CA10: variants seen among roughly 807,000 people sequenced by gnomAD.
The protein encoded by CA10 is carbonic anhydrase 10 (inactive), also known as carbonic anhydrase-related protein 10.
CA10 carries 14 observed loss-of-function variants against 44.2 expected under a neutral mutation model. The ratio of observed to expected loss-of-function variants is 0.32; its 90% CI spans 0.21 to 0.50. The LOEUF is 0.50. Ranked by LOEUF, CA10 falls within the 20% of genes least tolerant of loss-of-function variation. The pLI is 0.99. For synonymous variants in CA10, 159 were observed against 141.6 expected, an observed-to-expected ratio of 1.12 and a Z score of -0.87; for missense variants, 350 against 409.7, an observed-to-expected ratio of 0.85 and a Z score of 1.26.
chr17:51,938,948 G>GA (rs1420237697), intron 2 of CA10, among the ~76,000 whole-genome samples: 1 of 151,686 alleles, frequency 6.6e-6, no homozygotes, highest in African/African-American at 2.4e-5. Context: ...AACAAACAAA[G>GA]AAAAAAACCA....
rs1320932810 is a variant in CA10, at chr17:51,999,650, C to A, written c.137-68518G>T. On this transcript the variant is annotated intron_variant, in intron 2 of 8. Transcript: ENST00000451037. ...TGAAGAAGGATGCCAGCTCTTCCTG[C>A]AGATCATTCCATCATCAAAGTTGAA... 4.9e-4 allele frequency among the ~76,000 whole-genome samples: 74 copies of A among 152,046 alleles called. 1 individual carries two copies.
chr17:51,650,066 T>C (rs1913505972), intron 5 of CA10, among the ~76,000 whole-genome samples: 1 of 152,140 alleles, frequency 6.6e-6, no homozygotes, highest in Admixed American at 6.5e-5. Context: ...TTGTACCAGA[T>C]GTTCAGGGAT....
intron 3 of CA10, among the ~76,000 whole-genome samples, chr17:51,923,545 C>A (rs982711224): frequency 7.9e-5 from 12 of 152,074 alleles, no homozygotes; most frequent in Non-Finnish European, 1.3e-4. Context: ...CCAAATATAT[C>A]GTAAATTTTT....
chr17:52,004,284 C>A (rs972817287), intron 2 of CA10, among the ~76,000 whole-genome samples: 1 of 151,956 alleles, frequency 6.6e-6, no homozygotes, highest in African/African-American at 2.4e-5. Flanking sequence ...TTTATATACA[C>A]ACATGCATAT....
intron 3 of CA10, among the ~76,000 whole-genome samples, chr17:51,797,339 C>G (rs1433627162): frequency 6.6e-6 from 1 of 152,230 alleles, no homozygotes; most frequent in Non-Finnish European, 1.5e-5. Context: ...AGCACGCAGG[C>G]GCATGCGCGC....
At chr17:51,784,275 C>T (rs747862828) in intron 3 of CA10, among the ~76,000 whole-genome samples, 4 of 152,212 alleles carry the variant, frequency 2.6e-5, no homozygotes, top group East Asian at 1.9e-4. Context: ...GGAAGGAGCA[C>T]GCCATCCAGC....
At chr17:51,736,400 G>C (rs1167506060) in intron 4 of CA10, among the ~76,000 whole-genome samples, 3 of 151,512 alleles carry the variant, frequency 2.0e-5, no homozygotes, top group Admixed American at 6.6e-5. Flanking sequence ...ATGACCATTT[G>C]AGTCCACACA....
At chr17:51,809,302 A>G (rs1358270016) in intron 3 of CA10, among the ~76,000 whole-genome samples, 1 of 152,222 alleles carries the variant, frequency 6.6e-6, no homozygotes, top group East Asian at 1.9e-4. Flanking sequence ...ATTATGTGTC[A>G]GGCACTGTGT....
intron 3 of CA10, among the ~76,000 whole-genome samples, chr17:51,800,053 G>A (rs901110595): frequency 6.6e-6 from 1 of 152,152 alleles, no homozygotes; most frequent in African/African-American, 2.4e-5. Flanking sequence ...CCACACAAAT[G>A]TTCATAACAT....
chr17:51,783,268 G>A (rs1906130214), intron 3 of CA10, among the ~76,000 whole-genome samples: 1 of 152,150 alleles, frequency 6.6e-6, no homozygotes, highest in South Asian at 2.1e-4. Context: ...AAGTATGAAA[G>A]CTCATGTTGC....
intron 4 of CA10, among the ~76,000 whole-genome samples, chr17:51,711,673 T>A (rs1915946974): frequency 1.3e-5 from 2 of 152,240 alleles, no homozygotes; most frequent in Admixed American, 1.3e-4. Flanking sequence ...AACAAATATC[T>A]AAGCAAAGCT....
At chr17:51,648,136 C>T (rs530852194) in intron 6 of CA10, among the ~76,000 whole-genome samples, 1 of 152,320 alleles carries the variant, frequency 6.6e-6, no homozygotes, top group East Asian at 1.9e-4. Flanking sequence ...ATTCTCCATA[C>T]TCTCCCTTGG....
chr17:51,689,681 A>G (rs778467487), intron 4 of CA10, among the ~76,000 whole-genome samples: 46 of 152,174 alleles, frequency 3.0e-4, no homozygotes, highest in Non-Finnish European at 5.6e-4. Flanking sequence ...ATCCTTTACA[A>G]TTTGAGCTGT....
intron 2 of CA10, among the ~76,000 whole-genome samples, chr17:51,936,551 A>G (rs1982874215): frequency 6.6e-6 from 1 of 152,154 alleles, no homozygotes; most frequent in Non-Finnish European, 1.5e-5. Flanking sequence ...GTGTTCAGGA[A>G]CAGAGAGGAA....
chr17:51,987,171 A>C (rs754783548), intron 2 of CA10, among the ~76,000 whole-genome samples: 1 of 152,002 alleles, frequency 6.6e-6, no homozygotes, highest in Non-Finnish European at 1.5e-5. Flanking sequence ...ATGGAATACT[A>C]CTTATGATGG....
At chr17:52,106,652 A>C (rs532981905) in intron 1 of CA10, among the ~76,000 whole-genome samples, 2 of 152,164 alleles carry the variant, frequency 1.3e-5, no homozygotes, top group East Asian at 3.8e-4. Context: ...CTATGCTACA[A>C]CTCTGTAATA....
chr17:52,112,682 T>A (rs1439630381), intron 1 of CA10, among the ~76,000 whole-genome samples: 2 of 152,178 alleles, frequency 1.3e-5, no homozygotes, highest in Non-Finnish European at 2.9e-5. Context: ...AGTTTAAATA[T>A]CCAAAGTGCC....
chr17:51,941,044 C>T (rs1251821002), intron 2 of CA10, among the ~76,000 whole-genome samples: 1 of 152,066 alleles, frequency 6.6e-6, no homozygotes, highest in African/African-American at 2.4e-5. Flanking sequence ...ATTGCAGTCC[C>T]CAAAGATGGG....
intron 4 of CA10, among the ~76,000 whole-genome samples, chr17:51,678,601 A>G (rs938888032): frequency 6.6e-6 from 1 of 152,170 alleles, no homozygotes; most frequent in African/African-American, 2.4e-5. Flanking sequence ...TGGTCCAGGG[A>G]TTTCAGGTAA....
Sources: allele counts gnomAD v4.1 joint callset (sites outside exome capture counted in the v4.1 genomes callset), GRCh38; gene constraint gnomAD v4.1.1; transcripts MANE v1.5; gene names NCBI Gene and HGNC (gene_info 2026-07-23, HGNC 2026-07-21).